KCNQ5: variants seen among roughly 807,000 people sequenced by gnomAD.
The protein encoded by KCNQ5 is potassium voltage-gated channel subfamily KQT member 5.
In KCNQ5, 30 loss-of-function variants were observed where a neutral mutation model predicts 98.2. The ratio of observed to expected loss-of-function variants is 0.31; its 90% CI spans 0.23 to 0.41. The LOEUF (loss-of-function observed/expected upper bound fraction) is 0.41, where lower values mean the gene tolerates loss of function less well. Ranked by LOEUF, KCNQ5 falls within the 10% of genes least tolerant of loss-of-function variation. KCNQ5 has a pLI of 1.00. For synonymous variants in KCNQ5, 458 were observed against 449.4 expected (o/e 1.02, Z -0.24); for missense variants, 835 against 1,182.5 (o/e 0.71, Z 4.31).
At chr6:73,050,255 G>GA in intron 3 of KCNQ5, among the ~76,000 whole-genome samples, 1 of 124,546 alleles carries the variant, frequency 8.0e-6, no homozygotes, top group Non-Finnish European at 1.7e-5. Flanking sequence ...AAGAAGGAAG[G>GA]AGGGAAGGAA....
intron 2 of KCNQ5, among the ~76,000 whole-genome samples, chr6:73,017,638 C>T (rs528987931): frequency 9.9e-5 from 15 of 152,274 alleles, no homozygotes; most frequent in South Asian, 8.3e-4. Context: ...TCAATGAAAA[C>T]GCTGCAGACC....
chr6:73,144,418 C>A (rs573551306), intron 10 of KCNQ5, among the ~76,000 whole-genome samples: 68 of 152,310 alleles, frequency 4.5e-4, no homozygotes, highest in African/African-American at 1.6e-3. Flanking sequence ...CCAAGAGAAT[C>A]ATTTGCACAT....
intron 1 of KCNQ5, among the ~76,000 whole-genome samples, chr6:72,673,459 G>A (rs911161575): frequency 1.3e-5 from 2 of 152,062 alleles, no homozygotes; most frequent in Non-Finnish European, 2.9e-5. Flanking sequence ...GTAAACAACA[G>A]AACATACTTC....
At chr6:72,632,677 G>A (rs1237191505) in intron 1 of KCNQ5, among the ~76,000 whole-genome samples, 1 of 152,084 alleles carries the variant, frequency 6.6e-6, no homozygotes, top group Non-Finnish European at 1.5e-5. Flanking sequence ...GAGAATATGT[G>A]GTACTTGGTT....
At chr6:73,032,695 G>C (rs1771204125) in intron 2 of KCNQ5, among the ~76,000 whole-genome samples, 1 of 152,118 alleles carries the variant, frequency 6.6e-6, no homozygotes, top group African/African-American at 2.4e-5. Context: ...TCCAGTTCAA[G>C]GTACAGCAAG....
chr6:73,094,721 T>G (rs1774406733), intron 5 of KCNQ5, among the ~76,000 whole-genome samples: 1 of 152,158 alleles, frequency 6.6e-6, no homozygotes, highest in East Asian at 1.9e-4. Flanking sequence ...CTGGTAATTC[T>G]TTTGCTTGAG....
At chr6:72,815,773 G>T (rs1169602398) in intron 1 of KCNQ5, among the ~76,000 whole-genome samples, 2 of 152,124 alleles carry the variant, frequency 1.3e-5, no homozygotes, top group Non-Finnish European at 2.9e-5. Flanking sequence ...AGATAAAATT[G>T]ATATGACTCA....
chr6:72,835,743 A>G (rs529281000), intron 1 of KCNQ5, among the ~76,000 whole-genome samples: 1 of 152,338 alleles, frequency 6.6e-6, no homozygotes, highest in South Asian at 2.1e-4. Context: ...AAAACCTGAA[A>G]GTGGCACATT....
At chr6:72,973,166 TA>T in intron 1 of KCNQ5, among the ~76,000 whole-genome samples, 1 of 152,360 alleles carries the variant, frequency 6.6e-6, no homozygotes, top group East Asian at 1.9e-4. Flanking sequence ...CCTCAATTAA[TA>T]ATTTATTGGT....
intron 1 of KCNQ5, among the ~76,000 whole-genome samples, chr6:72,737,034 C>T (rs1770885990): frequency 6.6e-6 from 1 of 151,968 alleles, no homozygotes; most frequent in Non-Finnish European, 1.5e-5. Flanking sequence ...GATCTCAGCT[C>T]ACTGCAACCT....
intron 1 of KCNQ5, among the ~76,000 whole-genome samples, chr6:72,941,598 CCTTAA>C: frequency 6.7e-6 from 1 of 149,334 alleles, no homozygotes; most frequent in Non-Finnish European, 1.5e-5. Context: ...TTCCTTCCTC[CCTTAA>C]TTCCTTCCTT....
intron 5 of KCNQ5, among the ~76,000 whole-genome samples, chr6:73,101,831 A>T (rs1243367968): frequency 1.3e-5 from 2 of 152,214 alleles, no homozygotes; most frequent in African/African-American, 4.8e-5. Flanking sequence ...TCTCAAAGCA[A>T]TCTACAAATT....
At chr6:72,668,067 T>C (rs1766917220) in intron 1 of KCNQ5, among the ~76,000 whole-genome samples, 1 of 152,180 alleles carries the variant, frequency 6.6e-6, no homozygotes, top group Non-Finnish European at 1.5e-5. Flanking sequence ...AATACTATAA[T>C]AATATTAATT....
At chr6:72,807,918 G>T (rs1037632889) in intron 1 of KCNQ5, among the ~76,000 whole-genome samples, 4 of 152,186 alleles carry the variant, frequency 2.6e-5, no homozygotes, top group Admixed American at 1.3e-4. Context: ...AAAGTACATG[G>T]TTTTGGGGTA....
At chr6:72,709,251 T>C (rs967645867) in intron 1 of KCNQ5, among the ~76,000 whole-genome samples, 1 of 152,236 alleles carries the variant, frequency 6.6e-6, no homozygotes, top group African/African-American at 2.4e-5. Flanking sequence ...TCTCAAAGTG[T>C]GCTTTTATTG....
At chr6:73,086,926 C>A (rs1366219322) in intron 5 of KCNQ5, among the ~76,000 whole-genome samples, 1 of 152,154 alleles carries the variant, frequency 6.6e-6, no homozygotes, top group East Asian at 1.9e-4. Context: ...GAGGGAACAG[C>A]TTGTGCAAAG....
intron 10 of KCNQ5, chr6:73,157,899 C>G: frequency 2.6e-6 from 2 of 776,630 alleles, no homozygotes; most frequent in Non-Finnish European, 4.8e-6. Context: ...CATTTTTGGC[C>G]GCTTCTGCTC....
intron 1 of KCNQ5, among the ~76,000 whole-genome samples, chr6:72,657,091 T>A (rs1035640642): frequency 1.3e-5 from 2 of 152,046 alleles, no homozygotes; most frequent in Admixed American, 1.3e-4. Flanking sequence ...ATGTCTATAG[T>A]CGTAGCTACT....
chr6:73,143,932 C>T (rs1776819463), intron 10 of KCNQ5, among the ~76,000 whole-genome samples: 1 of 152,168 alleles, frequency 6.6e-6, no homozygotes, highest in Admixed American at 6.5e-5. Flanking sequence ...CAGAATTTAG[C>T]CCATATTTAA....
Sources: gnomAD v4.1 joint callset for allele counts (sites outside exome capture counted in the v4.1 genomes callset) on GRCh38, gnomAD v4.1.1 for gene constraint, MANE v1.5 for transcripts, NCBI Gene and HGNC (gene_info 2026-07-23, HGNC 2026-07-21) for gene names.